Variants in SRGAP1 observed in about 807,000 individuals in gnomAD.
SRGAP1 encodes the protein SLIT-ROBO Rho GTPase activating protein 1.
Under a neutral mutation model 121.9 loss-of-function variants are expected in SRGAP1, and 43 were observed. That is an observed-to-expected ratio of 0.35 (90% CI 0.28 to 0.46). The LOEUF (loss-of-function observed/expected upper bound fraction) is 0.46, where lower values mean the gene tolerates loss of function less well. Ranked by LOEUF, SRGAP1 falls within the 20% of genes least tolerant of loss-of-function variation. SRGAP1 has a pLI of 1.00. For synonymous variants in SRGAP1, 447 were observed against 485.4 expected (o/e 0.92, Z 1.04); for missense variants, 1,102 against 1,350.9 (o/e 0.82, Z 2.89).
At position 64,152,593 on chromosome 12, in the gene SRGAP1, C is replaced by T. The variant is rs1044920149; in HGVS notation, c.*9921C>T. Reference sequence around the variant, plus strand: ...CCTGCTCACCACCTCCTCTTCGGAACCTTTAGTTTCAGCCATAGCAAGCTA... The same window carrying T: ...CCTGCTCACCACCTCCTCTTCGGAATCTTTAGTTTCAGCCATAGCAAGCTA... On this transcript the variant is annotated 3_prime_UTR_variant, in exon 22 of 22. Coordinates refer to ENST00000355086, the MANE Select transcript of SRGAP1 (RefSeq NM_020762.4). 6.6e-6 allele frequency: 1 copy of T among 152,254 alleles called. No homozygotes were observed. The highest frequency in any genetic ancestry group is 1.9e-4 in the East Asian group (1 of 5,198). 9.4% of individuals were successfully genotyped at this position (152,254 alleles called of 1,614,324 possible).
chr12:64,058,804 T>C, intron 6 of SRGAP1, among the ~76,000 whole-genome samples: 1 of 85,180 alleles, frequency 1.2e-5, no homozygotes, highest in East Asian at 2.3e-4. Context: ...GTCATTTCAG[T>C]TTCTAGTTTA....
chr12:63,929,424 A>G (rs1157582766), intron 1 of SRGAP1, among the ~76,000 whole-genome samples: 1 of 152,246 alleles, frequency 6.6e-6, no homozygotes, highest in African/African-American at 2.4e-5. Flanking sequence ...TCTTCATGAC[A>G]GCACCTCAGT....
intron 1 of SRGAP1, chr12:63,888,239 A>G (rs528294303): frequency 1.8e-4 from 28 of 152,296 alleles, no homozygotes; most frequent in Admixed American, 1.8e-3. Flanking sequence ...CCTTTCACAC[A>G]GCTTCCTCCG....
intron 10 of SRGAP1, among the ~76,000 whole-genome samples, chr12:64,083,363 A>G (rs2035881567): frequency 6.6e-6 from 1 of 152,216 alleles, no homozygotes; most frequent in Non-Finnish European, 1.5e-5. Context: ...AGTTGCTCGT[A>G]CACAGCTGAA....
At chr12:64,018,335 C>T (rs538921646) in intron 4 of SRGAP1, among the ~76,000 whole-genome samples, 4 of 152,268 alleles carry the variant, frequency 2.6e-5, no homozygotes, top group Non-Finnish European at 5.9e-5. Context: ...ATGTGATCCG[C>T]CCATCTCAGC....
At chr12:63,921,894 G>A (rs943092241) in intron 1 of SRGAP1, among the ~76,000 whole-genome samples, 1 of 151,986 alleles carries the variant, frequency 6.6e-6, no homozygotes, top group Admixed American at 6.6e-5. Flanking sequence ...GCTGGAAAGA[G>A]TCTTAGTTCC....
At chr12:64,121,516 A>G (rs1314695936) in intron 18 of SRGAP1, among the ~76,000 whole-genome samples, 1 of 152,064 alleles carries the variant, frequency 6.6e-6, no homozygotes, top group Non-Finnish European at 1.5e-5. Flanking sequence ...CAGCCTCCCA[A>G]AATGCTGGGA....
At chr12:63,989,871 T>G in intron 2 of SRGAP1, 39 bp from the exon 3 acceptor site, 4 of 1,559,888 alleles carry the variant, frequency 2.6e-6, no homozygotes. Flanking sequence ...TGGGGCAACT[T>G]TGAAATGGGT....
chr12:63,898,914 A>G (rs959058737), intron 1 of SRGAP1, among the ~76,000 whole-genome samples: 2 of 152,156 alleles, frequency 1.3e-5, no homozygotes, highest in African/African-American at 2.4e-5. Context: ...AAGATAGGAC[A>G]TATGTTTCAT....
At chr12:64,114,679 T>C (rs1225182752) in intron 17 of SRGAP1, among the ~76,000 whole-genome samples, 1 of 152,158 alleles carries the variant, frequency 6.6e-6, no homozygotes, top group Non-Finnish European at 1.5e-5. Context: ...ATTAGGGCTA[T>C]GTCAGTAAGC....
intron 1 of SRGAP1, among the ~76,000 whole-genome samples, chr12:63,892,259 C>G (rs1205011537): frequency 6.6e-6 from 1 of 152,106 alleles, no homozygotes; most frequent in Non-Finnish European, 1.5e-5. Context: ...TTTTCTGGTG[C>G]TTACTGCCAT....
chr12:63,903,165 T>A (rs571982823), intron 1 of SRGAP1, among the ~76,000 whole-genome samples: 272 of 152,192 alleles, frequency 1.8e-3, no homozygotes, highest in Non-Finnish European at 3.5e-3. Context: ...GTACAATGAA[T>A]CCACATGCAC....
intron 1 of SRGAP1, among the ~76,000 whole-genome samples, chr12:63,904,602 A>G (rs945297707): frequency 6.6e-6 from 1 of 152,206 alleles, no homozygotes; most frequent in African/African-American, 2.4e-5. Context: ...TAACAAAGTA[A>G]CATGGTCACA....
intron 3 of SRGAP1, among the ~76,000 whole-genome samples, chr12:64,014,649 A>C (rs886322548): frequency 7.0e-5 from 3 of 42,724 alleles, no homozygotes; most frequent in African/African-American, 1.7e-4. Flanking sequence ...ATCTTGTCCT[A>C]AAGATATTTG....
chr12:64,021,189 G>C (rs1402940231), intron 4 of SRGAP1, among the ~76,000 whole-genome samples: 1 of 152,186 alleles, frequency 6.6e-6, no homozygotes, highest in Non-Finnish European at 1.5e-5. Flanking sequence ...TCTCACACAA[G>C]ACTTTCATAT....
At chr12:63,881,091 A>G (rs920686348) in intron 1 of SRGAP1, among the ~76,000 whole-genome samples, 3 of 152,202 alleles carry the variant, frequency 2.0e-5, no homozygotes, top group South Asian at 2.1e-4. Context: ...TGCGAAGTCA[A>G]CTGGAAAGTG....
At chr12:63,855,143 C>T (rs750911312) in intron 1 of SRGAP1, among the ~76,000 whole-genome samples, 8 of 152,132 alleles carry the variant, frequency 5.3e-5, no homozygotes, top group Non-Finnish European at 1.0e-4. Context: ...TATTAAGTTT[C>T]CTTCCATCTT....
rs111674456 is a variant in SRGAP1 at position 64,112,544 on chromosome 12, T to C, written c.2144+558T>C. On this transcript the variant is annotated intron_variant, in intron 17 of 21. Transcript: ENST00000355086. Reference sequence around the variant, plus strand: ...TTTAGCATGGCAATATTGCCTCCCATTGCTGCAAATGACAGGATCTCATTC... The same window carrying C: ...TTTAGCATGGCAATATTGCCTCCCACTGCTGCAAATGACAGGATCTCATTC... Among the ~76,000 whole-genome samples, 51 of 152,338 alleles carry C rather than the reference T, an allele frequency of 3.3e-4. 1 individual carries two copies. Among genetic ancestry groups the C allele is most frequent in the African/African-American group, 1.2e-3 (50 of 41,586 alleles).
intron 15 of SRGAP1, among the ~76,000 whole-genome samples, chr12:64,099,127 C>A (rs2036215531): frequency 6.6e-6 from 1 of 152,254 alleles, no homozygotes; most frequent in Admixed American, 6.5e-5. Context: ...AAAGAGCCTA[C>A]TTCAGATCCT....
Sources: allele counts gnomAD v4.1 joint callset (sites outside exome capture counted in the v4.1 genomes callset), GRCh38; gene constraint gnomAD v4.1.1; transcripts MANE v1.5; gene names NCBI Gene and HGNC (gene_info 2026-07-23, HGNC 2026-07-21).